Variants in NLK observed in about 807,000 individuals in gnomAD.
The protein encoded by NLK is nemo like kinase.
A neutral mutation model predicts 59.0 loss-of-function variants in NLK; 11 were observed. That is an observed-to-expected ratio of 0.19 (90% CI 0.12 to 0.31). The LOEUF is 0.31. Ranked by LOEUF, NLK falls within the 10% of genes least tolerant of loss-of-function variation. The probability of loss-of-function intolerance (pLI) is 1.00; values close to 1 mark genes in which losing one functional copy is unlikely to be tolerated. For synonymous variants in NLK, 235 were observed against 235.9 expected, an observed-to-expected ratio of 1.00 and a Z score of 0.03; for missense variants, 410 against 661.1, an observed-to-expected ratio of 0.62 and a Z score of 4.16.
chr17:28,151,922 G>T (rs1467788843), intron 3 of NLK, among the ~76,000 whole-genome samples: 1 of 152,194 alleles, frequency 6.6e-6, no homozygotes, highest in Non-Finnish European at 1.5e-5. Context: ...ATGTACGTGT[G>T]TATGTGGTCT....
intron 5 of NLK, among the ~76,000 whole-genome samples, chr17:28,164,300 G>A (rs368492998): frequency 3.0e-4 from 46 of 151,294 alleles, no homozygotes; most frequent in East Asian, 3.9e-4. Context: ...AGCCCAGAGC[G>A]TGAAGGCTGC....
At chr17:28,179,591 AGGCAT>A (rs748803617) in intron 7 of NLK, among the ~76,000 whole-genome samples, 112 of 152,162 alleles carry the variant, frequency 7.4e-4, no homozygotes, top group Non-Finnish European at 1.4e-3. Context: ...AAAGTTAGCC[AGGCAT>A]GGTGGCAGAC....
chr17:28,066,972 AT>A (rs1452251844), intron 1 of NLK, among the ~76,000 whole-genome samples: 13 of 152,162 alleles, frequency 8.5e-5, no homozygotes, highest in Admixed American at 8.5e-4. Context: ...GTTTTGAATG[AT>A]CTTTACATAT....
intron 1 of NLK, among the ~76,000 whole-genome samples, chr17:28,084,231 C>T (rs192213544): frequency 3.3e-5 from 5 of 152,258 alleles, no homozygotes; most frequent in Admixed American, 1.3e-4. Flanking sequence ...AAAGACCCTA[C>T]GTTACATGGT....
chr17:28,092,961 A>G (rs927643417), intron 1 of NLK, among the ~76,000 whole-genome samples: 10 of 151,854 alleles, frequency 6.6e-5, no homozygotes, highest in African/African-American at 2.4e-4. Flanking sequence ...AAGCCCAGCT[A>G]ATTTTTGTAT....
intron 7 of NLK, among the ~76,000 whole-genome samples, chr17:28,174,513 T>C (rs1187853145): frequency 6.6e-6 from 1 of 152,204 alleles, no homozygotes; most frequent in Non-Finnish European, 1.5e-5. Context: ...GCTTAATGGC[T>C]AGATGCACTT....
intron 1 of NLK, among the ~76,000 whole-genome samples, chr17:28,110,944 A>G (rs1435717011): frequency 1.3e-5 from 2 of 150,070 alleles, no homozygotes; most frequent in Non-Finnish European, 1.5e-5. Context: ...TCCCGGGTTC[A>G]CGCCATTCTC....
intron 3 of NLK, among the ~76,000 whole-genome samples, chr17:28,140,023 T>A (rs1024555173): frequency 2.6e-5 from 4 of 152,116 alleles, no homozygotes; most frequent in African/African-American, 9.7e-5. Context: ...CAGTTGAGCA[T>A]TGATGGATGA....
the NLK span, among the ~76,000 whole-genome samples, chr17:28,204,969 TG>T: frequency 2.6e-5 from 4 of 152,232 alleles, no homozygotes; most frequent in Non-Finnish European, 2.9e-5. Context: ...CCCTCAGAGC[TG>T]CATGCTCCTT....
chr17:28,171,851 A>G (rs1299372321), intron 6 of NLK, among the ~76,000 whole-genome samples: 2 of 152,182 alleles, frequency 1.3e-5, no homozygotes, highest in Middle Eastern at 3.2e-3. Context: ...GCAGACTCCC[A>G]AATTGCTATA....
intron 1 of NLK, among the ~76,000 whole-genome samples, chr17:28,094,944 T>A (rs551318914): frequency 1.3e-5 from 2 of 152,302 alleles, no homozygotes; most frequent in East Asian, 3.9e-4. Context: ...CAGAGGTAGT[T>A]CTCAGTCCAC....
chr17:28,045,158 C>T (rs144031791), intron 1 of NLK, among the ~76,000 whole-genome samples: 2 of 152,296 alleles, frequency 1.3e-5, no homozygotes, highest in Non-Finnish European at 2.9e-5. Flanking sequence ...TGATTGACTG[C>T]TCTACCACCT....
intron 1 of NLK, among the ~76,000 whole-genome samples, chr17:28,107,367 G>A (rs528733251): frequency 3.4e-4 from 51 of 152,024 alleles, no homozygotes; most frequent in African/African-American, 1.1e-3. Context: ...TCTGGGAGGC[G>A]GAGGTTGCAG....
chr17:28,125,053 A>G lies in NLK; in HGVS notation c.588+2321A>G, dbSNP rs370685012. Among the ~76,000 whole-genome samples, 61 of 152,274 alleles carry G rather than the reference A, an allele frequency of 4.0e-4. 1 individual carries two copies. Among genetic ancestry groups the G allele is most frequent in the African/African-American group, 1.4e-3 (58 of 41,560 alleles). ...CAGAGCAAGATATCACCTCAAAAAA[A>G]AAAGACAAAAAAGAAATTTGCTTAC... On this transcript the variant is annotated intron_variant, in intron 2 of 10. Transcript: ENST00000407008.
chr17:28,169,797 G>T (rs1314918997), intron 6 of NLK, among the ~76,000 whole-genome samples: 1 of 150,846 alleles, frequency 6.6e-6, no homozygotes, highest in Non-Finnish European at 1.5e-5. Context: ...CTGAAAACGG[G>T]GCCTGGCACA....
intron 5 of NLK, among the ~76,000 whole-genome samples, chr17:28,164,369 C>CAA (rs962344405): frequency 0.063 from 3,861 of 61,294 alleles, 139 homozygotes; most frequent in Admixed American, 0.19. Context: ...GACCCTGTCT[C>CAA]AAAAAAAAAA....
At position 28,173,769 on chromosome 17, in the gene NLK, T is replaced by C. The variant is rs143899034; in HGVS notation, c.1149+1151T>C. 5.7e-3 allele frequency among the ~76,000 whole-genome samples: 873 copies of C among 152,356 alleles called. 5 individuals are homozygous for C. Among genetic ancestry groups the C allele is most frequent in the Non-Finnish European group, 9.9e-3 (673 of 68,020 alleles). On this transcript the variant is annotated intron_variant, in intron 7 of 10. Coordinates refer to ENST00000407008, the MANE Select transcript of NLK (RefSeq NM_016231.5). ...ACAAGATCTATTATGTTCCATTTATTGGCCAGCATCAGGAACATAAAACTA... is the reference window on the plus strand; with the variant it reads ...ACAAGATCTATTATGTTCCATTTATCGGCCAGCATCAGGAACATAAAACTA...
At chr17:28,152,746 C>G (rs1236943306) in intron 3 of NLK, among the ~76,000 whole-genome samples, 8 of 152,068 alleles carry the variant, frequency 5.3e-5, no homozygotes, top group African/African-American at 1.7e-4. Flanking sequence ...ACCTCAGCCT[C>G]CCTAGTAGCC....
chr17:28,096,225 C>T (rs978408170), intron 1 of NLK, among the ~76,000 whole-genome samples: 4 of 152,102 alleles, frequency 2.6e-5, no homozygotes, highest in East Asian at 1.9e-4. Flanking sequence ...TACTGACTCA[C>T]TAAAAATAGG....
Sources: allele counts gnomAD v4.1 joint callset (sites outside exome capture counted in the v4.1 genomes callset), GRCh38; gene constraint gnomAD v4.1.1; transcripts MANE v1.5; gene names NCBI Gene and HGNC (gene_info 2026-07-23, HGNC 2026-07-21).